Variants in DISP1 observed in about 807,000 individuals in gnomAD.
DISP1 encodes protein dispatched homolog 1.
Under a neutral mutation model 37.3 loss-of-function variants are expected in DISP1, and 30 were observed. The observed-to-expected ratio is 0.80, with a 90% CI of 0.60 to 1.09. The LOEUF (loss-of-function observed/expected upper bound fraction) is 1.09. DISP1 is among the 50% of genes least tolerant of loss of function. The probability of loss-of-function intolerance (pLI) is 0.00; values close to 1 mark genes in which losing one functional copy is unlikely to be tolerated. For synonymous variants in DISP1, 634 were observed against 690.2 expected (o/e 0.92, Z 1.28); for missense variants, 1,598 against 1,879.5 (o/e 0.85, Z 2.77).
intron 3 of DISP1, among the ~76,000 whole-genome samples, chr1:222,948,549 A>G (rs910015204): frequency 3.9e-5 from 6 of 152,210 alleles, no homozygotes; most frequent in African/African-American, 1.2e-4. Flanking sequence ...TCAGGAACTT[A>G]CTGTAACAAA....
chr1:222,844,510 G>T (rs1480409236), intron 1 of DISP1, among the ~76,000 whole-genome samples: 2 of 152,064 alleles, frequency 1.3e-5, no homozygotes, highest in Non-Finnish European at 2.9e-5. Flanking sequence ...AATCCTTGAT[G>T]TATTAGACCG....
At chr1:222,989,630 G>A in intron 4 of DISP1, 5 of 876,676 alleles carry the variant, frequency 5.7e-6, no homozygotes, top group Non-Finnish European at 6.8e-6. Context: ...AAACCAGATT[G>A]TAGTAGCTGG....
At chr1:222,831,065 A>G (rs1016220382) in intron 1 of DISP1, 8 of 152,302 alleles carry the variant, frequency 5.3e-5, no homozygotes, top group Admixed American at 1.3e-4. Context: ...ATATATGTTT[A>G]CTATTAAAAT....
At chr1:222,873,736 G>C (rs1669735074) in intron 1 of DISP1, among the ~76,000 whole-genome samples, 1 of 152,176 alleles carries the variant, frequency 6.6e-6, no homozygotes, top group African/African-American at 2.4e-5. Context: ...CAATTTGCCA[G>C]TCTGTGCCTT....
chr1:222,825,361 A>G (rs896867879), intron 1 of DISP1, among the ~76,000 whole-genome samples: 5 of 152,190 alleles, frequency 3.3e-5, no homozygotes, highest in African/African-American at 1.2e-4. Flanking sequence ...TACCATAAAT[A>G]TATACAATTT....
chr1:222,843,182 A>T (rs1482137320), intron 1 of DISP1, among the ~76,000 whole-genome samples: 2 of 151,774 alleles, frequency 1.3e-5, no homozygotes, highest in African/African-American at 4.8e-5. Flanking sequence ...AGATAGTATT[A>T]AAAAAAACAG....
chr1:222,952,898 A>T (rs78182131), intron 3 of DISP1, among the ~76,000 whole-genome samples: 2,448 of 152,328 alleles, frequency 0.016, 77 homozygotes, highest in African/African-American at 0.055. Flanking sequence ...AAAGTCCTAC[A>T]TTAGCAAAAA....
At chr1:222,953,445 C>T (rs1009509957) in intron 3 of DISP1, among the ~76,000 whole-genome samples, 4 of 152,124 alleles carry the variant, frequency 2.6e-5, no homozygotes, top group Non-Finnish European at 4.4e-5. Flanking sequence ...AATGACACAC[C>T]TCACACCATC....
At chr1:222,921,358 A>T (rs1450424016) in intron 1 of DISP1, among the ~76,000 whole-genome samples, 2 of 151,954 alleles carry the variant, frequency 1.3e-5, no homozygotes, top group Admixed American at 6.6e-5. Context: ...ACAGACTTAT[A>T]CTTAATGACT....
intron 1 of DISP1, among the ~76,000 whole-genome samples, chr1:222,878,411 T>C (rs1670090548): frequency 6.6e-6 from 1 of 152,224 alleles, no homozygotes; most frequent in Admixed American, 6.5e-5. Context: ...AAATGGTAAA[T>C]GAAAGTGAAC....
At chr1:222,859,140 A>C (rs1175068516) in intron 1 of DISP1, among the ~76,000 whole-genome samples, 2 of 152,262 alleles carry the variant, frequency 1.3e-5, no homozygotes, top group Non-Finnish European at 2.9e-5. Context: ...ACCATGGAAT[A>C]CTATGCAGCC....
chr1:223,003,461 C>T lies in DISP1; in HGVS notation c.2064C>T (p.Cys688=), dbSNP rs1285692153. The part of the protein sequence containing the change: ...YDNKSCWTVA[C]QKCHKVLFAI... ...ACAAAAGCTGCTGGACAGTGGCTTG[C>T]CAGAAGTGCCACAAAGTACTCTTTG... Residue 688 remains cysteine (C), a synonymous_variant, in exon 9 of 9, where the codon TGC becomes TGT. Coordinates refer to ENST00000675850, the MANE Select transcript of DISP1 (RefSeq NM_001377229.1). This position sits in a 1 kb window ranked among gnomAD's most constrained non-coding sequence, Gnocchi z 4.3. The T allele has an allele frequency of 6.2e-7, 1 of 1,614,114 alleles. No homozygotes were observed. The highest frequency in any genetic ancestry group is 1.7e-5 in the Admixed American group (1 of 60,020).
chr1:222,922,824 A>G (rs1672879360), intron 1 of DISP1, among the ~76,000 whole-genome samples: 1 of 152,196 alleles, frequency 6.6e-6, no homozygotes, highest in Non-Finnish European at 1.5e-5. Flanking sequence ...CAGAATTAAG[A>G]AGATCTGCCA....
At chr1:222,965,109 C>G (rs1205911501) in intron 3 of DISP1, among the ~76,000 whole-genome samples, 1 of 151,950 alleles carries the variant, frequency 6.6e-6, no homozygotes, top group Non-Finnish European at 1.5e-5. Flanking sequence ...TTTATGAAAA[C>G]AATAGAAAAT....
At chr1:222,815,517 A>G (rs1019098952) in intron 1 of DISP1, among the ~76,000 whole-genome samples, 2 of 152,180 alleles carry the variant, frequency 1.3e-5, no homozygotes, top group African/African-American at 4.8e-5. Context: ...GTCGTAGGTG[A>G]GAAGGACGTC....
chr1:222,878,104 C>T (rs535078922), intron 1 of DISP1, among the ~76,000 whole-genome samples: 1 of 152,276 alleles, frequency 6.6e-6, no homozygotes, highest in East Asian at 1.9e-4. Context: ...GCTAAAGTTC[C>T]CTAAAATCAG....
At chr1:222,910,304 A>T (rs142290392) in intron 1 of DISP1, among the ~76,000 whole-genome samples, 1 of 152,176 alleles carries the variant, frequency 6.6e-6, no homozygotes, top group African/African-American at 2.4e-5. Flanking sequence ...TCGAGGCTAC[A>T]GTAAGCCATG....
At chr1:222,944,057 C>CAAA (rs1201710890) in intron 3 of DISP1, among the ~76,000 whole-genome samples, 1 of 151,762 alleles carries the variant, frequency 6.6e-6, no homozygotes, top group Non-Finnish European at 1.5e-5. Flanking sequence ...ACAACAACAA[C>CAAA]AAAAAAACAC....
chr1:222,964,394 C>G (rs1192972520), intron 3 of DISP1, among the ~76,000 whole-genome samples: 1 of 151,954 alleles, frequency 6.6e-6, no homozygotes. Flanking sequence ...TCGAAGCCTT[C>G]CTCTTAATCA....
Sources: allele counts gnomAD v4.1 joint callset (sites outside exome capture counted in the v4.1 genomes callset), GRCh38; gene constraint gnomAD v4.1.1; non-coding constraint Gnocchi (gnomAD v3.1); transcripts MANE v1.5; gene names NCBI Gene and HGNC (gene_info 2026-07-23, HGNC 2026-07-21).